Variants in COL9A3 observed in about 807,000 individuals in gnomAD.
COL9A3 encodes collagen alpha-3(IX) chain.
A neutral mutation model predicts 110.2 loss-of-function variants in COL9A3; 82 were observed. The ratio of observed to expected loss-of-function variants is 0.74; its 90% CI spans 0.62 to 0.89. The LOEUF (loss-of-function observed/expected upper bound fraction) is 0.89, where lower values mean the gene tolerates loss of function less well. Among genes scored for constraint, COL9A3 ranks in the 40% least tolerant of loss-of-function variants. COL9A3 has a pLI of 0.00. For missense variants in COL9A3, 1,066 were observed against 981.3 expected (o/e 1.09, Z -1.15); for synonymous variants, 494 against 403.8 (o/e 1.22, Z -2.68).
chr20:62,832,507 G>C (rs2063604511), intron 25 of COL9A3, among the ~76,000 whole-genome samples: 1 of 152,268 alleles, frequency 6.6e-6, no homozygotes, highest in Admixed American at 6.5e-5. Context: ...GGCACCAATG[G>C]GAACTCTCAA....
chr20:62,837,739 A>G (rs2063648154), intron 30 of COL9A3, among the ~76,000 whole-genome samples: 1 of 152,188 alleles, frequency 6.6e-6, no homozygotes, highest in African/African-American at 2.4e-5. Flanking sequence ...CCCTGAAGGC[A>G]GAGGTTGCAG....
chr20:62,832,714 A>G, intron 25 of COL9A3: 2 of 256,440 alleles, frequency 7.8e-6, no homozygotes, highest in South Asian at 5.4e-5. Context: ...TCTCACTTCT[A>G]GGCACAAGGC....
intron 30 of COL9A3, 118 bp downstream of exon 30, chr20:62,837,383 G>A (rs1440982996): frequency 1.9e-5 from 21 of 1,101,358 alleles, no homozygotes; most frequent in Non-Finnish European, 2.8e-5. Flanking sequence ...CCTGGAACGT[G>A]GGGGCCTCTC....
Position 62,835,930 on chromosome 20 carries a change from G to A in COL9A3, c.1378G>A (p.Gly460Ser), listed in dbSNP as rs148610956. 9.5e-5 allele frequency: 154 copies of A among 1,614,176 alleles called. No individual in the cohort carries two copies. The highest frequency in any genetic ancestry group is 2.0e-4 in the Admixed American group (12 of 60,026). Reference protein sequence around the residue: ...PGDKGELGPSGLVGPKGESGS... With the variant: ...PGDKGELGPSSLVGPKGESGS... ...ACTTTTCTCTTCACAGGGTCCCAGC[G>A]GCCTGGTCGGACCCAAAGGAGAGGT... Residue 460 changes from glycine (G) to serine (S), a missense_variant, in exon 27 of 32, where the codon GGC (glycine) becomes AGC (serine). Gly to Ser is a moderately conservative substitution (Grantham distance 56). Coordinates refer to ENST00000649368, the MANE Select transcript of COL9A3 (RefSeq NM_001853.4).
Position 62,837,279 on chromosome 20 carries a change from C to G in COL9A3, c.1786+14C>G, listed in dbSNP as rs767222248. On this transcript the variant is annotated intron_variant, in intron 30 of 31. Coordinates refer to ENST00000649368, the MANE Select transcript of COL9A3 (RefSeq NM_001853.4). ...CCGGGCCCAGAGGTGAGTGTTTGAC[C>G]CCATGACACGGTCACCCTGCTGTAA... 10 of 1,606,884 alleles carry G rather than the reference C, an allele frequency of 6.2e-6. No homozygotes were observed. In the African/African-American group the frequency reaches 1.3e-4, roughly 21 times the overall value.
chr20:62,817,321 C>T (rs1990960966), intron 1 of COL9A3, 179 bp downstream of exon 1: 1 of 514,988 alleles, frequency 1.9e-6, no homozygotes, highest in African/African-American at 2.0e-5. Flanking sequence ...GATGGGTCCT[C>T]GCTGGCCCGG....
chr20:62,840,683 G>C lies in COL9A3; in HGVS notation c.2006G>C (p.Gly669Ala). The change falls in exon 32 of 32, where the codon GGA (glycine) becomes GCA (alanine). Residue 669 changes from glycine to alanine, a missense_variant. Coordinates refer to ENST00000649368, the MANE Select transcript of COL9A3 (RefSeq NM_001853.4). ...PGICDTSACQ[G>A]AVLGGVGEKS... ...ATCTGCGACACCTCAGCCTGCCAAG[G>C]AGCCGTGTTAGGAGGGGTCGGGGAG... 6.2e-7 allele frequency: 1 copy of C among 1,602,102 alleles called. No individual in the cohort carries two copies. The highest frequency in any genetic ancestry group is 8.5e-7 in the Non-Finnish European group (1 of 1,174,588).
chr20:62,823,591 G>A (rs1344356174), intron 10 of COL9A3, among the ~76,000 whole-genome samples: 1 of 152,234 alleles, frequency 6.6e-6, no homozygotes, highest in Admixed American at 6.5e-5. Flanking sequence ...CCAGAATGTG[G>A]TGCGTGGTTG....
intron 7 of COL9A3, 109 bp from the exon 8 acceptor site, chr20:62,821,648 A>G: frequency 6.5e-7 from 1 of 1,547,408 alleles, no homozygotes; most frequent in South Asian, 1.1e-5. Context: ...CCATCTGACC[A>G]CCCCATACTT....
rs76559905 is a variant in COL9A3, at chr20:62,836,261, C to G, written c.1476C>G (p.Pro492=). 1.2e-6 allele frequency: 2 copies of G among 1,613,650 alleles called. No homozygotes were observed. Among genetic ancestry groups the G allele is most frequent in the Non-Finnish European group, 8.5e-7 (1 of 1,179,996 alleles). The part of the protein sequence containing the change: ...PNGTSGVQGV[P]GPPGPLGLQG... Reference sequence around the variant, plus strand: ...GCACCAGCGGTGTTCAGGGTGTCCCCGGGCCCCCCGGTCCTCTGGGCCTGC... The same window carrying G: ...GCACCAGCGGTGTTCAGGGTGTCCCGGGGCCCCCCGGTCCTCTGGGCCTGC... Residue 492 remains proline (P), a synonymous_variant, in exon 28 of 32, where the codon CCC becomes CCG. Coordinates refer to ENST00000649368, the MANE Select transcript of COL9A3 (RefSeq NM_001853.4).
At position 62,840,252 on chromosome 20, in the gene COL9A3, TACTC is replaced by T. The variant is rs112832278; in HGVS notation, c.1865-287_1865-284del. On this transcript the variant is annotated intron_variant, in intron 31 of 31. Transcript: ENST00000649368. Reference sequence around the variant, plus strand: ...CCCTGCTCACTCCAAATCCACTCCTTACTCACACAGCCCCCACCAAACCCGCGTA... The same window carrying T: ...CCCTGCTCACTCCAAATCCACTCCTTACACAGCCCCCACCAAACCCGCGTA... Among the ~76,000 whole-genome samples the T allele has an allele frequency of 0.13, 18,764 of 149,134 alleles. 1,364 individuals are homozygous for T. The highest frequency in any genetic ancestry group is 0.19 in the African/African-American group (7,881 of 40,670).
Position 62,819,928 on chromosome 20 carries a change from G to A in COL9A3, c.256-1G>A. 1 of 1,612,908 alleles carries A rather than the reference G, an allele frequency of 6.2e-7. No individual in the cohort carries two copies. The highest frequency in any genetic ancestry group is 8.5e-7 in the Non-Finnish European group (1 of 1,180,000). ...CGAGCTCGCCCTCTGCCTCTCCCCA[G>A]GGTCTGACTGGACGAGATGGACCCC... On this transcript the variant is annotated splice_acceptor_variant, in intron 4 of 31. Transcript: ENST00000649368. LOFTEE classifies it high-confidence loss of function.
At chr20:62,832,099 T>A in intron 24 of COL9A3, 55 bp from the exon 25 acceptor site, 1 of 1,560,294 alleles carries the variant, frequency 6.4e-7, no homozygotes, top group South Asian at 1.1e-5. Context: ...CAGGGCAGGC[T>A]CACTTTAGGG....
At position 62,828,916 on chromosome 20, in the gene COL9A3, C is replaced by A. The variant is rs1488881169; in HGVS notation, c.955-7C>A. 1.2e-6 allele frequency: 2 copies of A among 1,612,446 alleles called. No homozygotes were observed. Among genetic ancestry groups the A allele is most frequent in the Middle Eastern group, 3.3e-4 (2 of 6,034 alleles). On this transcript the variant is annotated splice_region_variant and splice_polypyrimidine_tract_variant and intron_variant, in intron 18 of 31. Coordinates refer to ENST00000649368, the MANE Select transcript of COL9A3 (RefSeq NM_001853.4). ...CCCCTTCCGCACCCCAATCTCTGTCCTCACAGGGAGAGGCTGGTCGCAACG... is the reference window on the plus strand; with the variant it reads ...CCCCTTCCGCACCCCAATCTCTGTCATCACAGGGAGAGGCTGGTCGCAACG...
intron 15 of COL9A3, 64 bp from the exon 16 acceptor site, chr20:62,827,177 C>G (rs529290367): frequency 6.3e-7 from 1 of 1,576,938 alleles, no homozygotes; most frequent in African/African-American, 1.3e-5. Flanking sequence ...GAGGGGCCCC[C>G]GTCCTACTCT....
chr20:62,836,038 GCAGGGCACTGCCCAGATCCGAGATGTA>G lies in COL9A3; in HGVS notation c.1401+86_1401+112del, dbSNP rs1170825598. 3 of 1,608,064 alleles carry G rather than the reference GCAGGGCACTGCCCAGATCCGAGATGTA, an allele frequency of 1.9e-6. No individual in the cohort carries two copies. The East Asian group carries it at 6.7e-5, about 36-fold the overall frequency. On this transcript the variant is annotated intron_variant, in intron 27 of 31. Coordinates refer to ENST00000649368, the MANE Select transcript of COL9A3 (RefSeq NM_001853.4). Reference sequence around the variant, plus strand: ...CACCTCTGGGCAACCAGGCAGCCCTGCAGGGCACTGCCCAGATCCGAGATGTAAAAAAGCTTGCTCTGGTCAAGGCTG... The same window carrying G: ...CACCTCTGGGCAACCAGGCAGCCCTGAAAAAGCTTGCTCTGGTCAAGGCTG...
intron 16 of COL9A3, 92 bp from the exon 17 acceptor site, chr20:62,827,831 G>C (rs1651299039): frequency 7.2e-7 from 1 of 1,396,532 alleles, no homozygotes; most frequent in Non-Finnish European, 1.0e-6. Flanking sequence ...GCCCACCATA[G>C]CTCCTTGGTG....
chr20:62,821,445 G>C (rs951743206), intron 6 of COL9A3, 62 bp from the exon 7 acceptor site: 1 of 1,607,388 alleles, frequency 6.2e-7, no homozygotes, highest in Non-Finnish European at 8.5e-7. Flanking sequence ...CCATCTTAGG[G>C]AGGGGTGAGG....
rs751973914 is a variant in COL9A3 at position 62,825,864 on chromosome 20, G to A, written c.678G>A (p.Gly226=). ...PGPAGLPGSV[G]LQGPRGLRGL... ...CCGCCGGCCTCCCGGGCAGCGTGGG[G>A]CTGCAGGTGAGGCTAGGAAGGGGTA... Residue 226 remains glycine (G), a synonymous_variant, in exon 13 of 32, where the codon GGG becomes GGA. Coordinates refer to ENST00000649368, the MANE Select transcript of COL9A3 (RefSeq NM_001853.4). 3 of 1,559,274 alleles carry A rather than the reference G, an allele frequency of 1.9e-6. No individual in the cohort carries two copies.
Sources: allele counts gnomAD v4.1 joint callset (sites outside exome capture counted in the v4.1 genomes callset), GRCh38; gene constraint gnomAD v4.1.1; transcripts MANE v1.5; gene names NCBI Gene and HGNC (gene_info 2026-07-23, HGNC 2026-07-21).